CHST9: variants seen among roughly 807,000 people sequenced by gnomAD.
CHST9 encodes GalNAc-4-sulfotransferase 2.
CHST9 carries 41 observed loss-of-function variants against 44.4 expected under a neutral mutation model. That is an observed-to-expected ratio of 0.92 (90% CI 0.72 to 1.20). The LOEUF (loss-of-function observed/expected upper bound fraction) is 1.20, where lower values mean the gene tolerates loss of function less well. CHST9 is among the 50% of genes most tolerant of loss of function. The pLI is 0.00. For synonymous variants in CHST9, 171 were observed against 178.4 expected (o/e 0.96, Z 0.33); for missense variants, 504 against 516.5 (o/e 0.98, Z 0.23).
Position 26,917,217 on chromosome 18 carries a change from G to A in CHST9, c.374C>T (p.Thr125Ile). 1 of 1,613,926 alleles carries A rather than the reference G, an allele frequency of 6.2e-7. No individual in the cohort carries two copies. Residue 125 changes from threonine to isoleucine, a missense_variant, in exon 6 of 6, where the codon ACA becomes ATA. Coordinates refer to ENST00000618847, the MANE Select transcript of CHST9 (RefSeq NM_031422.6). ...QGGDQALSKS[T>I]GSPTEKLIEK... is the part of the protein sequence containing the mutation. Reference sequence around the variant, plus strand: ...AATCAACTTCTCTGTTGGTGACCCTGTGGACTTACTTAAAGCTTGATCCCC... The same window carrying A: ...AATCAACTTCTCTGTTGGTGACCCTATGGACTTACTTAAAGCTTGATCCCC...
intron 2 of CHST9, among the ~76,000 whole-genome samples, chr18:27,095,264 A>C (rs1216927432): frequency 6.6e-6 from 1 of 152,190 alleles, no homozygotes; most frequent in African/African-American, 2.4e-5. Flanking sequence ...TTTCCTCATC[A>C]TTCTCTAATC....
chr18:27,063,265 T>C (rs1187944032), intron 2 of CHST9, among the ~76,000 whole-genome samples: 1 of 152,300 alleles, frequency 6.6e-6, no homozygotes, highest in East Asian at 1.9e-4. Flanking sequence ...GTTTACCACA[T>C]ATGCTCCCTC....
At chr18:27,024,089 T>C (rs779977500) in intron 4 of CHST9, 27 bp downstream of exon 4, 1 of 1,607,528 alleles carries the variant, frequency 6.2e-7, no homozygotes, top group South Asian at 1.1e-5. Flanking sequence ...CTACCCAAGA[T>C]TCAAACATTA....
chr18:27,018,603 G>A (rs2057182890), intron 4 of CHST9, among the ~76,000 whole-genome samples: 1 of 152,084 alleles, frequency 6.6e-6, no homozygotes, highest in Admixed American at 6.5e-5. Flanking sequence ...GCAGGATAAG[G>A]GCTTTTCAGT....
chr18:26,962,594 T>C (rs71353418), intron 4 of CHST9, among the ~76,000 whole-genome samples: 2 of 152,154 alleles, frequency 1.3e-5, no homozygotes, highest in African/African-American at 4.8e-5. Context: ...CTCAGCATTG[T>C]AGTCTCTTTC....
intron 1 of CHST9, among the ~76,000 whole-genome samples, chr18:27,173,431 G>C (rs1262303227): frequency 6.6e-6 from 1 of 151,966 alleles, no homozygotes; most frequent in Non-Finnish European, 1.5e-5. Context: ...TTGTAGGCGA[G>C]CACCAATGTT....
intron 2 of CHST9, among the ~76,000 whole-genome samples, chr18:27,091,042 G>A (rs879556082): frequency 2.0e-5 from 3 of 152,098 alleles, no homozygotes; most frequent in Non-Finnish European, 2.9e-5. Flanking sequence ...GGGGCAGTGT[G>A]GCCATTTTCA....
At chr18:26,935,564 T>TAATC (rs1210016180) in intron 5 of CHST9, 1 of 152,234 alleles carries the variant, frequency 6.6e-6, no homozygotes, top group African/African-American at 2.4e-5. Flanking sequence ...TCTGATTGGC[T>TAATC]AATCATTCAA....
intron 2 of CHST9, among the ~76,000 whole-genome samples, chr18:27,068,895 A>C (rs902498810): frequency 6.6e-6 from 1 of 151,946 alleles, no homozygotes; most frequent in Non-Finnish European, 1.5e-5. Context: ...TCCTCCTCAC[A>C]TTTTTTACTT....
intron 2 of CHST9, among the ~76,000 whole-genome samples, chr18:27,075,691 ATACTCCCAGATGTGC>A (rs2057896378): frequency 8.6e-6 from 1 of 116,194 alleles, no homozygotes; most frequent in Non-Finnish European, 1.8e-5. Flanking sequence ...TTCCACACAC[ATACTCCCAGATGTGC>A]AAAACTTCTT....
At chr18:27,067,969 A>G (rs75687741) in intron 2 of CHST9, among the ~76,000 whole-genome samples, 1,535 of 152,280 alleles carry the variant, frequency 0.01, 30 homozygotes, top group African/African-American at 0.036. Context: ...TCTCTCCCAT[A>G]GAGTCCCCAA....
intron 2 of CHST9, among the ~76,000 whole-genome samples, chr18:27,111,182 G>A (rs141321088): frequency 1.6e-4 from 24 of 152,274 alleles, no homozygotes; most frequent in South Asian, 6.2e-4. Flanking sequence ...AATGAACCCA[G>A]GAGAAACAGC....
rs931995831 is a variant in CHST9, at chr18:27,028,066, C to T, written c.161-3909G>A. Among the ~76,000 whole-genome samples, 14 of 152,090 alleles carry T rather than the reference C, an allele frequency of 9.2e-5. No individual in the cohort carries two copies. The South Asian group carries it at 1.2e-3, about 14-fold the overall frequency. ...GAGTAGCTGGGATTACAGGCATGTG[C>T]CACCATGCCCAGCTAATTTTTGTAT... is the stretch of plus-strand genomic sequence containing the variant. On this transcript the variant is annotated intron_variant, in intron 3 of 5. Coordinates refer to ENST00000618847, the MANE Select transcript of CHST9 (RefSeq NM_031422.6).
At chr18:27,117,347 C>G (rs1409227460) in intron 2 of CHST9, among the ~76,000 whole-genome samples, 2 of 152,132 alleles carry the variant, frequency 1.3e-5, no homozygotes. Context: ...TCAACCTCCC[C>G]CATTTTCAAC....
rs1209216543 is a variant in CHST9, at chr18:27,053,142, A to AGAAGAAGAAGAAGAAGAG, written c.122-4640_122-4639insCTCTTCTTCTTCTTCTTC. On this transcript the variant is annotated intron_variant, in intron 2 of 5. Coordinates refer to ENST00000618847, the MANE Select transcript of CHST9 (RefSeq NM_031422.6). ...AGGAGGAAGAAGAGGAAGAAGAAGAAGAAGAAGAAGAAGAAGAAGAAGAAG... is the reference window on the plus strand; with the variant it reads ...AGGAGGAAGAAGAGGAAGAAGAAGAAGAAGAAGAAGAAGAAGAGGAAGAAGAAGAAGAAGAAGAAGAAG... Among the ~76,000 whole-genome samples the AGAAGAAGAAGAAGAAGAG allele has an allele frequency of 1.7e-3, 126 of 73,944 alleles. 1 individual carries two copies. The highest frequency in any genetic ancestry group is 3.0e-3 in the Non-Finnish European group (88 of 29,230). The allele number at this position is 73,944 out of a possible 152,430, so 48.5% of individuals were successfully genotyped here. A position where few individuals can be genotyped will look rare whatever the true frequency, so the allele number is the denominator to read the frequency against.
intron 1 of CHST9, among the ~76,000 whole-genome samples, chr18:27,179,421 C>T (rs2143978834): frequency 6.7e-6 from 1 of 150,368 alleles, no homozygotes; most frequent in South Asian, 2.1e-4. Context: ...TAGGTAGGGG[C>T]ATGAAAAATA....
At chr18:27,162,435 C>T (rs2058755038) in intron 1 of CHST9, among the ~76,000 whole-genome samples, 1 of 152,142 alleles carries the variant, frequency 6.6e-6, no homozygotes, top group Non-Finnish European at 1.5e-5. Flanking sequence ...TGAATATTGG[C>T]CCCCACTCTC....
intron 2 of CHST9, among the ~76,000 whole-genome samples, chr18:27,082,435 T>A (rs1039535228): frequency 3.9e-5 from 6 of 152,214 alleles, no homozygotes; most frequent in Non-Finnish European, 8.8e-5. Context: ...CTCCTTATAA[T>A]GCTGTGTCCC....
chr18:27,041,350 C>T (rs1237291860), intron 3 of CHST9, among the ~76,000 whole-genome samples: 1 of 152,084 alleles, frequency 6.6e-6, no homozygotes, highest in Non-Finnish European at 1.5e-5. Flanking sequence ...AAATTATTCT[C>T]CACTTCCTCT....
Sources: allele counts gnomAD v4.1 joint callset (sites outside exome capture counted in the v4.1 genomes callset), GRCh38; gene constraint gnomAD v4.1.1; transcripts MANE v1.5; gene names NCBI Gene and HGNC (gene_info 2026-07-23, HGNC 2026-07-21).